The following PBX1 variants were observed in gnomAD, a reference collection of about 807,000 sequenced individuals.
PBX1 encodes the protein pre-B-cell leukemia transcription factor 1.
Under a neutral mutation model 53.4 loss-of-function variants are expected in PBX1, and 6 were observed. The observed-to-expected ratio is 0.11, with a 90% CI of 0.06 to 0.22. PBX1 has a LOEUF of 0.22. Among genes scored for constraint, PBX1 ranks in the 10% least tolerant of loss-of-function variants. The pLI, the probability that PBX1 is intolerant of heterozygous loss-of-function variation, is 1.00. For missense variants in PBX1, 251 were observed against 551.4 expected (o/e 0.46, Z 5.46); for synonymous variants, 204 against 212.3 (o/e 0.96, Z 0.34).
intron 2 of PBX1, among the ~76,000 whole-genome samples, chr1:164,616,228 C>T (rs1657268959): frequency 6.6e-6 from 1 of 152,066 alleles, no homozygotes; most frequent in South Asian, 2.1e-4. Flanking sequence ...TTTGATGTAG[C>T]CACCAGCGTC....
chr1:164,804,028 ATAT>A (rs1489636732), intron 4 of PBX1, among the ~76,000 whole-genome samples: 2 of 152,162 alleles, frequency 1.3e-5, no homozygotes, highest in African/African-American at 2.4e-5. Context: ...GTTATATGAT[ATAT>A]TATTGTACAT....
intron 6 of PBX1, chr1:164,813,333 A>G (rs917648620): frequency 6.6e-6 from 1 of 152,222 alleles, no homozygotes; most frequent in African/African-American, 2.4e-5. Flanking sequence ...TTCAACATGG[A>G]TATAATAAAA....
chr1:164,801,111 C>T (rs1046335167), intron 4 of PBX1, among the ~76,000 whole-genome samples: 1 of 152,182 alleles, frequency 6.6e-6, no homozygotes. Flanking sequence ...ATGAGAATGC[C>T]GGCTAGCAAA....
At chr1:164,773,437 A>T (rs1667486281) in intron 2 of PBX1, among the ~76,000 whole-genome samples, 1 of 152,274 alleles carries the variant, frequency 6.6e-6, no homozygotes, top group African/African-American at 2.4e-5. Flanking sequence ...AGTCAATTAA[A>T]TTGTTTTGAA....
rs896144719 is a variant in PBX1 at position 164,847,831 on chromosome 1, C to T, written c.*1155C>T. 3 of 1,055,054 alleles carry T rather than the reference C, an allele frequency of 2.8e-6. No individual in the cohort carries two copies. In the African/African-American group the frequency reaches 5.0e-5, roughly 17 times the overall value. 65.4% of individuals were successfully genotyped at this position (1,055,054 alleles called of 1,614,324 possible). A position where few individuals can be genotyped will look rare whatever the true frequency, so the allele number is the denominator to read the frequency against. ...CTGCAGGCCCACTAGCGTGCACTTACCAGAATGGCATACACAGGACCTGAT... is the reference window on the plus strand; with the variant it reads ...CTGCAGGCCCACTAGCGTGCACTTATCAGAATGGCATACACAGGACCTGAT... On this transcript the variant is annotated 3_prime_UTR_variant, in exon 9 of 9. Transcript: ENST00000420696.
At chr1:164,708,356 G>A (rs1477499942) in intron 2 of PBX1, among the ~76,000 whole-genome samples, 1 of 151,020 alleles carries the variant, frequency 6.6e-6, no homozygotes, top group African/African-American at 2.4e-5. Context: ...GCTGGGCTAA[G>A]TGCTTTACAC....
At chr1:164,584,083 G>A (rs573780281) in intron 2 of PBX1, among the ~76,000 whole-genome samples, 4 of 152,242 alleles carry the variant, frequency 2.6e-5, no homozygotes, top group Admixed American at 6.5e-5. Flanking sequence ...TATATTTGAT[G>A]CCCAACAAAT....
At chr1:164,635,688 G>T (rs1658725049) in intron 2 of PBX1, among the ~76,000 whole-genome samples, 2 of 152,188 alleles carry the variant, frequency 1.3e-5, no homozygotes, top group African/African-American at 4.8e-5. Flanking sequence ...TCAGCTATCA[G>T]GGTACATTAG....
chr1:164,856,100 T>C (rs1004087520), downstream of PBX1, among the ~76,000 whole-genome samples: 2 of 152,162 alleles, frequency 1.3e-5, no homozygotes, highest in African/African-American at 2.4e-5. Context: ...TCTCTGGGCT[T>C]TTCCTTTGTC....
At chr1:164,601,158 C>T (rs1271052293) in intron 2 of PBX1, among the ~76,000 whole-genome samples, 1 of 148,362 alleles carries the variant, frequency 6.7e-6, no homozygotes, top group African/African-American at 2.5e-5. Context: ...ATTGCTTGAA[C>T]CTGGGAGGCC....
chr1:164,879,904 TG>T (rs1313956055), intron 2 of PBX1, among the ~76,000 whole-genome samples: 1 of 152,204 alleles, frequency 6.6e-6, no homozygotes, highest in Non-Finnish European at 1.5e-5. Context: ...AAGCCTACGC[TG>T]GGGGTGCTCC....
At chr1:164,708,048 C>T (rs181970628) in intron 2 of PBX1, among the ~76,000 whole-genome samples, 1 of 152,284 alleles carries the variant, frequency 6.6e-6, no homozygotes, top group Admixed American at 6.5e-5. Context: ...CTTTTCCACA[C>T]CTGTCCCCAT....
chr1:164,686,782 C>T (rs1030862638), intron 2 of PBX1, among the ~76,000 whole-genome samples: 1 of 151,746 alleles, frequency 6.6e-6, no homozygotes, highest in Non-Finnish European at 1.5e-5. Flanking sequence ...CACGATGAAA[C>T]CCCGTCTCTA....
At chr1:164,779,827 C>T (rs1667846731) in intron 2 of PBX1, among the ~76,000 whole-genome samples, 1 of 152,156 alleles carries the variant, frequency 6.6e-6, no homozygotes, top group Non-Finnish European at 1.5e-5. Flanking sequence ...GCCAGTGAAA[C>T]AGGGGAACTT....
chr1:164,649,810 T>A (rs1659681164), intron 2 of PBX1, among the ~76,000 whole-genome samples: 1 of 152,232 alleles, frequency 6.6e-6, no homozygotes, highest in African/African-American at 2.4e-5. Context: ...AGCCTTCACA[T>A]ACTTTCTCTT....
intron 2 of PBX1, among the ~76,000 whole-genome samples, chr1:164,592,954 A>AT (rs111642139): frequency 0.019 from 2,645 of 139,848 alleles, 67 homozygotes; most frequent in African/African-American, 0.059. Flanking sequence ...CAATCCTTAG[A>AT]TTTTTTTTTT....
chr1:164,844,295 A>G (rs1671454550), intron 8 of PBX1, among the ~76,000 whole-genome samples: 1 of 151,948 alleles, frequency 6.6e-6, no homozygotes, highest in African/African-American at 2.4e-5. Context: ...AACCTGCTGC[A>G]TTCCCCAGTG....
intron 2 of PBX1, among the ~76,000 whole-genome samples, chr1:164,718,024 C>T (rs1332420605): frequency 3.3e-5 from 5 of 152,174 alleles, no homozygotes; most frequent in African/African-American, 9.7e-5. Flanking sequence ...TCCCCATTTG[C>T]GTAGATTCAA....
chr1:164,623,076 G>A (rs1400806332), intron 2 of PBX1, among the ~76,000 whole-genome samples: 4 of 152,160 alleles, frequency 2.6e-5, no homozygotes, highest in Non-Finnish European at 4.4e-5. Flanking sequence ...GCCTCCCAAA[G>A]TGCTAGGATT....
Sources: allele counts gnomAD v4.1 joint callset (sites outside exome capture counted in the v4.1 genomes callset), GRCh38; gene constraint gnomAD v4.1.1; transcripts MANE v1.5; gene names NCBI Gene and HGNC (gene_info 2026-07-23, HGNC 2026-07-21).